Variants in GPM6A observed in about 807,000 individuals in gnomAD.
The protein encoded by GPM6A is glycoprotein M6A.
GPM6A carries 7 observed loss-of-function variants against 32.1 expected under a neutral mutation model. The observed-to-expected ratio is 0.22, with a 90% confidence interval of 0.12 to 0.41. The LOEUF (loss-of-function observed/expected upper bound fraction) is 0.41. Among genes scored for constraint, GPM6A ranks in the 10% least tolerant of loss-of-function variants. The pLI is 1.00. For missense variants in GPM6A, 235 were observed against 347.2 expected (o/e 0.68, Z 2.57); for synonymous variants, 130 against 123.4 (o/e 1.05, Z -0.35).
intron 1 of GPM6A, among the ~76,000 whole-genome samples, chr4:175,933,572 TTTTGTTTG>T (rs139745122): frequency 8.6e-5 from 13 of 151,646 alleles, no homozygotes; most frequent in South Asian, 2.1e-4. Context: ...TCTTAGAAGT[TTTTGTTTG>T]TTTGTTTGTT....
chr4:175,714,459 C>T (rs902447732), intron 1 of GPM6A, among the ~76,000 whole-genome samples: 3 of 152,088 alleles, frequency 2.0e-5, no homozygotes, highest in Non-Finnish European at 4.4e-5. Flanking sequence ...TCGTAGCTCA[C>T]TGCAGCCTTG....
At chr4:175,689,964 C>A (rs1049897524) in intron 2 of GPM6A, among the ~76,000 whole-genome samples, 26 of 152,154 alleles carry the variant, frequency 1.7e-4, no homozygotes, top group African/African-American at 5.8e-4. Context: ...CTGAGGTGAG[C>A]TAGCTTGGAA....
intron 1 of GPM6A, among the ~76,000 whole-genome samples, chr4:175,868,058 G>A (rs1403946479): frequency 1.3e-5 from 2 of 152,130 alleles, no homozygotes; most frequent in Admixed American, 6.5e-5. Flanking sequence ...CCTTGTCCCC[G>A]TGACTCGGTT....
At chr4:175,835,991 T>G (rs1478320598) in intron 1 of GPM6A, among the ~76,000 whole-genome samples, 1 of 152,032 alleles carries the variant, frequency 6.6e-6, no homozygotes, top group Non-Finnish European at 1.5e-5. Flanking sequence ...TGACATTCCA[T>G]TGGCTAGATC....
intron 1 of GPM6A, among the ~76,000 whole-genome samples, chr4:175,744,483 A>G (rs1732018316): frequency 6.6e-6 from 1 of 152,066 alleles, no homozygotes; most frequent in Admixed American, 6.6e-5. Context: ...TAAGATGGAC[A>G]ATCAATATAA....
intron 1 of GPM6A, among the ~76,000 whole-genome samples, chr4:175,953,030 TAA>T (rs376944274): frequency 3.0e-5 from 4 of 135,428 alleles, no homozygotes; most frequent in Admixed American, 7.5e-5. Flanking sequence ...ACCCTGTTTT[TAA>T]AAAAAAAAAA....
chr4:175,879,790 A>G (rs1256976894), intron 1 of GPM6A, among the ~76,000 whole-genome samples: 2 of 152,298 alleles, frequency 1.3e-5, no homozygotes, highest in East Asian at 1.9e-4. Flanking sequence ...ATATTTTAGT[A>G]TATTATTTGG....
chr4:175,685,506 C>T (rs779075393), intron 2 of GPM6A, among the ~76,000 whole-genome samples: 4 of 152,122 alleles, frequency 2.6e-5, no homozygotes, highest in Middle Eastern at 3.4e-3. Flanking sequence ...TACAAATGTT[C>T]CTGATTTTTA....
chr4:175,968,420 A>G (rs1171826523), intron 1 of GPM6A, among the ~76,000 whole-genome samples: 1 of 152,216 alleles, frequency 6.6e-6, no homozygotes, highest in East Asian at 1.9e-4. Flanking sequence ...GAAAATATTG[A>G]TAAGATGGAC....
At chr4:175,853,847 C>G (rs1468841239) in intron 1 of GPM6A, among the ~76,000 whole-genome samples, 1 of 152,038 alleles carries the variant, frequency 6.6e-6, no homozygotes, top group African/African-American at 2.4e-5. Context: ...TGTTGTAAGC[C>G]TAAACACTCT....
At chr4:175,711,368 G>A (rs1745514714) in intron 1 of GPM6A, among the ~76,000 whole-genome samples, 1 of 132,220 alleles carries the variant, frequency 7.6e-6, no homozygotes, top group Non-Finnish European at 1.6e-5. Context: ...AGATAAAGCA[G>A]GCAGCTGAAG....
At chr4:175,892,342 A>G (rs1737673962) in intron 1 of GPM6A, among the ~76,000 whole-genome samples, 1 of 152,006 alleles carries the variant, frequency 6.6e-6, no homozygotes, top group Admixed American at 6.6e-5. Context: ...TCCCTTCCCT[A>G]CTTTTTCTCA....
intron 1 of GPM6A, among the ~76,000 whole-genome samples, chr4:175,878,986 A>G (rs1737179227): frequency 6.6e-6 from 1 of 152,120 alleles, no homozygotes. Flanking sequence ...GATACTCTAA[A>G]TCATCTCTCT....
chr4:175,812,301 G>GTTT (rs70962418), upstream of GPM6A: 36 of 793,110 alleles, frequency 4.5e-5, 3 homozygotes, highest in East Asian at 1.0e-3. Context: ...AAAACTGGGG[G>GTTT]TTTTTTTTTT....
rs1351887469 is a variant in GPM6A at position 175,928,480 on chromosome 4, A to G, written c.-23+73829T>C. On this transcript the variant is annotated intron_variant, in intron 1 of 7. Transcript: ENST00000280187. ...CATTACAAGCTTATAAGACTGCAAC[A>G]TTACTCCCCACTTCCACTACCACTT... 3.8e-4 allele frequency among the ~76,000 whole-genome samples: 58 copies of G among 152,196 alleles called. 1 individual carries two copies. Among genetic ancestry groups the G allele is most frequent in the Admixed American group, 3.8e-3 (58 of 15,280 alleles).
chr4:175,802,728 T>C (rs1190331531), intron 1 of GPM6A, among the ~76,000 whole-genome samples: 1 of 152,090 alleles, frequency 6.6e-6, no homozygotes, highest in African/African-American at 2.4e-5. Context: ...GTAAACTACT[T>C]TGTTAAATTT....
intron 2 of GPM6A, among the ~76,000 whole-genome samples, chr4:175,674,495 A>T (rs933777342): frequency 6.6e-6 from 1 of 152,160 alleles, no homozygotes; most frequent in African/African-American, 2.4e-5. Context: ...TAAGTAGGGT[A>T]ATTATCATAT....
upstream of GPM6A, chr4:175,812,464 G>C: frequency 8.0e-7 from 1 of 1,247,828 alleles, no homozygotes. Flanking sequence ...ACTCTTCCGT[G>C]AAGATTATCA....
intron 1 of GPM6A, among the ~76,000 whole-genome samples, chr4:175,712,652 A>G (rs1170559601): frequency 1.3e-5 from 2 of 152,204 alleles, no homozygotes; most frequent in Non-Finnish European, 2.9e-5. Flanking sequence ...GGTAGAAATA[A>G]GAGAACAATT....
Sources: allele counts gnomAD v4.1 joint callset (sites outside exome capture counted in the v4.1 genomes callset), GRCh38; gene constraint gnomAD v4.1.1; transcripts MANE v1.5; gene names NCBI Gene and HGNC (gene_info 2026-07-23, HGNC 2026-07-21).